TET2: variants seen among roughly 807,000 people sequenced by gnomAD.
The protein encoded by TET2 is tet methylcytosine dioxygenase 2.
Under a neutral mutation model 142.9 loss-of-function variants are expected in TET2, and 299 were observed. The ratio of observed to expected loss-of-function variants is 2.09; its 90% CI spans 1.90 to 2.30. The LOEUF (loss-of-function observed/expected upper bound fraction) is 2.30, where lower values mean the gene tolerates loss of function less well. TET2 is among the 30% of genes most tolerant of loss of function. TET2 has a pLI of 0.00. For missense variants in TET2, 2,418 were observed against 2,378.0 expected (o/e 1.02, Z -0.35); for synonymous variants, 819 against 849.0 (o/e 0.96, Z 0.61).
rs771761785 is a variant in TET2 at position 105,243,757 on chromosome 4, G to A, written c.3782G>A (p.Arg1261His). The A allele has an allele frequency of 5.8e-6, 9 of 1,551,248 alleles. No individual in the cohort carries two copies. The highest frequency in any genetic ancestry group is 2.7e-5 in the African/African-American group (2 of 72,976). The part of the protein sequence containing the change: ...TLRKYGTLTN[R>H]RCALNEERTC... ...AGGAAATACGGCACGCTCACCAATC[G>A]CCGGTGTGCCTTGAATGAAGAGTAA... The change falls in exon 6 of 11, where the codon CGC becomes CAC. Residue 1261 changes from arginine to histidine, a missense_variant. Arg to His is a conservative substitution (Grantham distance 29, BLOSUM62 0). Transcript: ENST00000380013.
At chr4:105,194,071 A>G (rs996186709) in intron 2 of TET2, among the ~76,000 whole-genome samples, 4 of 152,076 alleles carry the variant, frequency 2.6e-5, no homozygotes, top group African/African-American at 9.7e-5. Context: ...TCTAGCTAGT[A>G]TCTAACTTGG....
chr4:105,275,726 G>T lies in TET2; in HGVS notation c.5216G>T (p.Arg1739Ile). 1.9e-6 allele frequency: 3 copies of T among 1,551,800 alleles called. No individual in the cohort carries two copies. The highest frequency in any genetic ancestry group is 2.6e-6 in the Non-Finnish European group (3 of 1,146,990). Reference sequence around the variant, plus strand: ...GGCCACTTCATGGGAGCCACCTCTAGATTACCACCCAATCTGAGCAATCCA... The same window carrying T: ...GGCCACTTCATGGGAGCCACCTCTATATTACCACCCAATCTGAGCAATCCA... ...MDGHFMGATS[R>I]LPPNLSNPNM... Residue 1739 changes from arginine to isoleucine, a missense_variant, in exon 11 of 11, where the codon AGA becomes ATA. Coordinates refer to ENST00000380013, the MANE Select transcript of TET2 (RefSeq NM_001127208.3).
chr4:105,209,179 T>A (rs1273784468), intron 2 of TET2, among the ~76,000 whole-genome samples: 2 of 149,132 alleles, frequency 1.3e-5, no homozygotes, highest in Non-Finnish European at 3.0e-5. Flanking sequence ...CCATTCACTT[T>A]TGGTGTGTAT....
rs1252593583 is a variant in TET2 at position 105,276,967 on chromosome 4, G to C, written c.*448G>C. 1 of 235,390 alleles carries C rather than the reference G, an allele frequency of 4.2e-6. No individual in the cohort carries two copies. Among genetic ancestry groups the C allele is most frequent in the Non-Finnish European group, 8.3e-6 (1 of 120,108 alleles). 14.6% of individuals were successfully genotyped at this position (235,390 alleles called of 1,614,324 possible). A position where few individuals can be genotyped will look rare whatever the true frequency, so the allele number is the denominator to read the frequency against. On this transcript the variant is annotated 3_prime_UTR_variant, in exon 11 of 11. Transcript: ENST00000380013. ...TGACAGGAATCTTAAAATACCATCT[G>C]GTGCTGAATATATGATGTACTGAAA...
rs2110255503 is a variant in TET2, at chr4:105,243,706, T to C, written c.3731T>C (p.Leu1244Pro). 6.4e-7 allele frequency: 1 copy of C among 1,551,488 alleles called. No homozygotes were observed. The highest frequency in any genetic ancestry group is 8.7e-7 in the Non-Finnish European group (1 of 1,146,894). Reference protein sequence around the residue: ...EGIPLSLADKLYSELTETLRK... With the variant: ...EGIPLSLADKPYSELTETLRK... The stretch of plus-strand genomic sequence containing the variant: ...ATCCCGCTGTCTCTGGCTGACAAAC[T>C]CTACTCGGAGCTTACCGAGACGCTG... The change falls in exon 6 of 11, where the codon CTC (leucine) becomes CCC (proline). Residue 1244 changes from leucine to proline, a missense_variant. Coordinates refer to ENST00000380013, the MANE Select transcript of TET2 (RefSeq NM_001127208.3).
intron 2 of TET2, among the ~76,000 whole-genome samples, chr4:105,209,022 G>C (rs1726987477): frequency 8.6e-6 from 1 of 115,876 alleles, no homozygotes. Flanking sequence ...TTGCACATCA[G>C]AAATGAAATA....
At chr4:105,241,939 T>C (rs1578688914) in intron 4 of TET2, 2 of 309,058 alleles carry the variant, frequency 6.5e-6, no homozygotes. Flanking sequence ...TACAGCTGCC[T>C]TTTTTTTTTT....
intron 2 of TET2, among the ~76,000 whole-genome samples, chr4:105,195,757 G>C (rs1409618531): frequency 6.6e-6 from 1 of 152,128 alleles, no homozygotes; most frequent in Non-Finnish European, 1.5e-5. Context: ...TGAATCCACA[G>C]ATGCTGGAAT....
At chr4:105,199,714 C>T (rs1009366505) in intron 2 of TET2, among the ~76,000 whole-genome samples, 9 of 152,252 alleles carry the variant, frequency 5.9e-5, no homozygotes, top group African/African-American at 2.2e-4. Context: ...CTCTGATAGG[C>T]CCCGGTGTGT....
intron 9 of TET2, 138 bp downstream of exon 9, chr4:105,269,885 C>T (rs1730870310): frequency 1.9e-6 from 2 of 1,048,774 alleles, no homozygotes; most frequent in South Asian, 3.3e-5. Context: ...GGAGGCCTCA[C>T]AATCATAGCT....
chr4:105,187,012 C>T (rs974528927), intron 1 of TET2, among the ~76,000 whole-genome samples: 1 of 152,088 alleles, frequency 6.6e-6, no homozygotes, highest in African/African-American at 2.4e-5. Flanking sequence ...CATGGTTTCT[C>T]CTTGATAGTT....
intron 1 of TET2, among the ~76,000 whole-genome samples, chr4:105,184,543 A>G (rs1222180362): frequency 6.6e-6 from 1 of 152,204 alleles, no homozygotes; most frequent in East Asian, 1.9e-4. Flanking sequence ...TGTCTATGTT[A>G]GGAGGAGCAG....
At chr4:105,192,051 T>G (rs976309917) in intron 2 of TET2, among the ~76,000 whole-genome samples, 2 of 152,176 alleles carry the variant, frequency 1.3e-5, no homozygotes, top group Admixed American at 6.6e-5. Flanking sequence ...ATTCTGCTCT[T>G]GTCTTTTACA....
chr4:105,186,107 G>A (rs1725426103), intron 1 of TET2, among the ~76,000 whole-genome samples: 2 of 152,214 alleles, frequency 1.3e-5, no homozygotes, highest in African/African-American at 4.8e-5. Flanking sequence ...GTACATGCCT[G>A]TAGTCCTAGC....
intron 2 of TET2, among the ~76,000 whole-genome samples, chr4:105,211,358 C>T (rs1008697587): frequency 2.6e-5 from 4 of 152,152 alleles, no homozygotes; most frequent in African/African-American, 9.7e-5. Context: ...AGATAAACTT[C>T]ACTGGTGAAG....
At chr4:105,175,818 T>C (rs908041646) in intron 1 of TET2, among the ~76,000 whole-genome samples, 2 of 151,970 alleles carry the variant, frequency 1.3e-5, no homozygotes, top group Non-Finnish European at 2.9e-5. Flanking sequence ...ATCGAAAGAA[T>C]CCAGAAGGAA....
intron 1 of TET2, among the ~76,000 whole-genome samples, chr4:105,183,947 T>C (rs1212000483): frequency 6.6e-6 from 1 of 152,232 alleles, no homozygotes; most frequent in Non-Finnish European, 1.5e-5. Flanking sequence ...ATGTTAGGAA[T>C]GGTAAGTCTA....
chr4:105,248,157 T>A (rs1187952098), intron 6 of TET2, among the ~76,000 whole-genome samples: 1 of 152,208 alleles, frequency 6.6e-6, no homozygotes, highest in East Asian at 1.9e-4. Context: ...TTTAGTGATA[T>A]TAAGAGTGTT....
At chr4:105,221,087 T>C (rs1727788983) in intron 2 of TET2, among the ~76,000 whole-genome samples, 1 of 152,210 alleles carries the variant, frequency 6.6e-6, no homozygotes, top group Non-Finnish European at 1.5e-5. Context: ...TTTAAAATAA[T>C]TTATGAGAAA....
Sources: allele counts gnomAD v4.1 joint callset (sites outside exome capture counted in the v4.1 genomes callset), GRCh38; gene constraint gnomAD v4.1.1; transcripts MANE v1.5; gene names NCBI Gene and HGNC (gene_info 2026-07-23, HGNC 2026-07-21).